The following FNIP2 variants were observed in gnomAD, a reference collection of about 807,000 sequenced individuals.
The protein encoded by FNIP2 is folliculin-interacting protein 2.
FNIP2 carries 32 observed loss-of-function variants against 108.7 expected under a neutral mutation model. The observed-to-expected ratio is 0.29, with a 90% CI of 0.22 to 0.40. The LOEUF (loss-of-function observed/expected upper bound fraction) is 0.40. FNIP2 is among the 10% of genes least tolerant of loss of function. The pLI is 1.00. For synonymous variants in FNIP2, 480 were observed against 496.7 expected (o/e 0.97, Z 0.45); for missense variants, 1,202 against 1,381.6 (o/e 0.87, Z 2.06).
chr4:158,800,971 G>A (rs1416926122), intron 1 of FNIP2, among the ~76,000 whole-genome samples: 2 of 152,126 alleles, frequency 1.3e-5, no homozygotes, highest in Admixed American at 6.5e-5. Flanking sequence ...TTATAATTAG[G>A]AACTGCACAT....
In FNIP2 at chr4:158,868,488, G is replaced by A; in HGVS notation, c.1852G>A (p.Ala618Thr). 6.2e-7 allele frequency: 1 copy of A among 1,614,044 alleles called. No homozygotes were observed. Residue 618 changes from alanine to threonine, a missense_variant, in exon 13 of 17, where the codon GCT becomes ACT. Ala to Thr is a moderately conservative substitution (Grantham distance 58). Coordinates refer to ENST00000264433, the MANE Select transcript of FNIP2 (RefSeq NM_020840.3). The surrounding 1 kb of genome is among the most constrained non-coding windows in gnomAD (Gnocchi z 4.6). ...RDLGLKPDKEANRRPEQGSEA... is the reference protein window; with the variant it reads ...RDLGLKPDKETNRRPEQGSEA... ...CCTGGGTCTTAAACCTGACAAAGAA[G>A]CTAACAGGAGGCCAGAGCAGGGTTC... is the stretch of plus-strand genomic sequence containing the variant.
At chr4:158,769,348 C>A (rs1333505907) in intron 1 of FNIP2, 29 bp downstream of exon 1, 11 of 1,437,456 alleles carry the variant, frequency 7.7e-6, no homozygotes, top group Non-Finnish European at 1.0e-5. Context: ...GCAATTCTGG[C>A]GCGGGACCCG....
intron 10 of FNIP2, among the ~76,000 whole-genome samples, chr4:158,860,380 A>C (rs1462366211): frequency 6.6e-6 from 1 of 152,190 alleles, no homozygotes; most frequent in Non-Finnish European, 1.5e-5. Context: ...GTATATGCTG[A>C]TGAACTCAGT....
intron 8 of FNIP2, 27 bp downstream of exon 8, chr4:158,851,477 G>A: frequency 6.2e-7 from 1 of 1,613,630 alleles, no homozygotes; most frequent in Non-Finnish European, 8.5e-7. Flanking sequence ...CTCTTGCTGA[G>A]AAAAGTAGGA....
chr4:158,875,414 G>A (rs1425544611), intron 14 of FNIP2, among the ~76,000 whole-genome samples: 2 of 151,040 alleles, frequency 1.3e-5, no homozygotes, highest in East Asian at 3.9e-4. Context: ...GGATACAGCA[G>A]CCTCTTCCAT....
chr4:158,866,221 CTT>C (rs34074378), intron 12 of FNIP2, among the ~76,000 whole-genome samples: 2 of 59,762 alleles, frequency 3.3e-5, no homozygotes, highest in South Asian at 9.9e-4. Flanking sequence ...TCTGGTTATT[CTT>C]TTTTTTTTTT....
rs1022462575 is a variant in FNIP2 at position 158,905,888 on chromosome 4, C to T, written c.*1344C>T. The T allele has an allele frequency of 1.3e-5, 2 of 152,162 alleles. No individual in the cohort carries two copies. The highest frequency in any genetic ancestry group is 4.8e-5 in the African/African-American group (2 of 41,420). The allele number at this position is 152,162 out of a possible 1,614,324, so 9.4% of individuals were successfully genotyped here. A position where few individuals can be genotyped will look rare whatever the true frequency, so the allele number is the denominator to read the frequency against. ...TGCAGATCTCAAGCAGTTAACCAGG[C>T]TCTGATTCCCTTCCACTGTTTTATG... is the stretch of plus-strand genomic sequence containing the variant. On this transcript the variant is annotated 3_prime_UTR_variant, in exon 17 of 17. Transcript: ENST00000264433.
intron 7 of FNIP2, among the ~76,000 whole-genome samples, chr4:158,840,008 G>T (rs750340941): frequency 6.6e-6 from 1 of 152,132 alleles, no homozygotes; most frequent in Non-Finnish European, 1.5e-5. Flanking sequence ...CTTTTTAAGG[G>T]GTTATTCTAG....
intron 3 of FNIP2, 58 bp downstream of exon 3, chr4:158,829,283 T>C: frequency 6.9e-7 from 1 of 1,439,938 alleles, no homozygotes; most frequent in Non-Finnish European, 9.3e-7. Context: ...TACTGTAATT[T>C]CTCCTTGGGA....
intron 7 of FNIP2, among the ~76,000 whole-genome samples, chr4:158,846,355 C>T (rs1224272803): frequency 6.6e-6 from 1 of 151,982 alleles, no homozygotes; most frequent in Non-Finnish European, 1.5e-5. Context: ...CTAGACAATT[C>T]AGAATCCGCT....
chr4:158,901,664 T>C (rs1729285138), intron 16 of FNIP2, among the ~76,000 whole-genome samples: 1 of 152,076 alleles, frequency 6.6e-6, no homozygotes. Context: ...TAGTCTCATA[T>C]TTCTTGGAGG....
At chr4:158,857,779 CCAAAAAAA>C (rs1780066433) in intron 8 of FNIP2, among the ~76,000 whole-genome samples, 1 of 42,190 alleles carries the variant, frequency 2.4e-5, no homozygotes, top group African/African-American at 4.9e-5. Context: ...TCCATCTCTA[CCAAAAAAA>C]AAAAAAAAAA....
At chr4:158,880,080 A>G (rs1201792325) in intron 14 of FNIP2, among the ~76,000 whole-genome samples, 1 of 150,246 alleles carries the variant, frequency 6.7e-6, no homozygotes, top group Non-Finnish European at 1.5e-5. Context: ...TGACCCAGCC[A>G]TCGCATTACT....
At chr4:158,796,174 G>A (rs1776585468) in intron 1 of FNIP2, 1 of 152,136 alleles carries the variant, frequency 6.6e-6, no homozygotes, top group Non-Finnish European at 1.5e-5. Context: ...GGGACCATTT[G>A]GGAAGTTTTT....
chr4:158,798,623 A>G (rs2126469633), intron 1 of FNIP2, among the ~76,000 whole-genome samples: 1 of 152,372 alleles, frequency 6.6e-6, no homozygotes, highest in East Asian at 1.9e-4. Context: ...GGTCTGGCAC[A>G]TGAAATATTT....
chr4:158,834,245 A>G (rs1778648658), intron 6 of FNIP2: 1 of 146,744 alleles, frequency 6.8e-6, no homozygotes, highest in Admixed American at 6.8e-5. Flanking sequence ...CCTTACCTGC[A>G]CGGAGTTTCA....
chr4:158,810,440 G>A (rs913935911), intron 1 of FNIP2, among the ~76,000 whole-genome samples: 3 of 152,046 alleles, frequency 2.0e-5, no homozygotes, highest in Middle Eastern at 3.2e-3. Context: ...TGATTTTTAC[G>A]TACCATGAGA....
At chr4:158,847,510 G>T (rs977662614) in intron 7 of FNIP2, among the ~76,000 whole-genome samples, 1 of 152,202 alleles carries the variant, frequency 6.6e-6, no homozygotes, top group Non-Finnish European at 1.5e-5. Context: ...GGAACCCGCT[G>T]CCTTGAAGGG....
At position 158,868,136 on chromosome 4, in the gene FNIP2, A is replaced by G. The variant is rs953285761; in HGVS notation, c.1500A>G (p.Arg500=). The change falls in exon 13 of 17, where the codon AGA becomes AGG. Residue 500 remains arginine (R), a synonymous_variant. Coordinates refer to ENST00000264433, the MANE Select transcript of FNIP2 (RefSeq NM_020840.3). The surrounding 1 kb of genome is among the most constrained non-coding windows in gnomAD (Gnocchi z 4.6). ...ACGGAGCCATAGGCTCTCCAGTGAG[A>G]CTGACTCGCACCGTAGTGGTAGGGA... ...DLYGAIGSPV[R]LTRTVVVGKQ... is the part of the protein sequence containing the mutation. The G allele has an allele frequency of 3.1e-6, 5 of 1,613,864 alleles. No individual in the cohort carries two copies. The highest frequency in any genetic ancestry group is 4.2e-6 in the Non-Finnish European group (5 of 1,179,888).
Sources: allele counts gnomAD v4.1 joint callset (sites outside exome capture counted in the v4.1 genomes callset), GRCh38; gene constraint gnomAD v4.1.1; non-coding constraint Gnocchi (gnomAD v3.1); transcripts MANE v1.5; gene names NCBI Gene and HGNC (gene_info 2026-07-23, HGNC 2026-07-21).